The following NAV1 variants were observed in gnomAD, a reference collection of about 807,000 sequenced individuals.
NAV1 encodes neuron navigator 1.
In NAV1, 18 loss-of-function variants were observed where a neutral mutation model predicts 175.2. That is an observed-to-expected ratio of 0.10 (90% CI 0.07 to 0.15). The LOEUF is 0.15. Among genes scored for constraint, NAV1 ranks in the 10% least tolerant of loss-of-function variants. The pLI is 1.00. For synonymous variants in NAV1, 897 were observed against 978.7 expected (o/e 0.92, Z 1.56); for missense variants, 1,731 against 2,436.6 (o/e 0.71, Z 6.10).
intron 3 of NAV1, among the ~76,000 whole-genome samples, chr1:201,777,903 C>T (rs1676063223): frequency 6.6e-6 from 1 of 151,982 alleles, no homozygotes; most frequent in South Asian, 2.1e-4. Context: ...CCACTGCCTT[C>T]CAGCCTGGGT....
At chr1:201,632,329 T>A (rs1168458161) in intron 2 of NAV1, among the ~76,000 whole-genome samples, 1 of 152,270 alleles carries the variant, frequency 6.6e-6, no homozygotes, top group Non-Finnish European at 1.5e-5. Context: ...CAGCTGCTCC[T>A]TCTGCCTCTG....
At chr1:201,783,638 AGTG>A in exon 7 of NAV1, 1 of 1,614,184 alleles carries the variant, frequency 6.2e-7, no homozygotes, top group Non-Finnish European at 8.5e-7. Context: ...GGAGCTAATG[AGTG>A]GTTTCAGTGT....
rs375065882 is a variant in NAV1, at chr1:201,782,317, C to T, written c.1805C>T (p.Ser602Leu). 1.2e-5 allele frequency: 20 copies of T among 1,614,086 alleles called. No homozygotes were observed. Among genetic ancestry groups the T allele is most frequent in the Admixed American group, 3.3e-5 (2 of 60,010 alleles). Residue 602 changes from serine (S) to leucine (L), a missense_variant, in exon 6 of 30, where the codon TCG (serine) becomes TTG (leucine). By Grantham distance (145) the Ser-to-Leu change is moderately radical. Around this residue, in one of 13 missense-constraint regions of NAV1, gnomAD observed 634 missense variants for 766.8 expected, o/e 0.83. Transcript: ENST00000367296. This position sits in a 1 kb window ranked among gnomAD's most constrained non-coding sequence, Gnocchi z 5.4. ...TCGGGCATTGCTCGCCCCTCCACTT[C>T]GGGATCCTTTGGCTACAAGAAGCCT...
At chr1:201,711,744 C>A (rs1569405) in intron 1 of NAV1, among the ~76,000 whole-genome samples, 41,159 of 152,134 alleles carry the variant, frequency 0.27, 6,353 homozygotes, top group Middle Eastern at 0.36. Flanking sequence ...ACTTTAGGTT[C>A]CAAAATGAAA....
Position 201,750,192 on chromosome 1 carries a change from A to G in NAV1, c.1227-30229A>G, listed in dbSNP as rs1166677738. On this transcript the variant is annotated intron_variant, in intron 3 of 29. Coordinates refer to ENST00000367296, the Ensembl canonical transcript of NAV1. This position sits in a 1 kb window ranked among gnomAD's most constrained non-coding sequence, Gnocchi z 4.1. Reference sequence around the variant, plus strand: ...CTGGCAACTTTCTGTGTAATTTTTTATAACAAAGACCTACCGCTGCAAGGA... The same window carrying G: ...CTGGCAACTTTCTGTGTAATTTTTTGTAACAAAGACCTACCGCTGCAAGGA... Among the ~76,000 whole-genome samples the G allele has an allele frequency of 6.6e-6, 1 of 152,200 alleles. No homozygotes were observed. The highest frequency in any genetic ancestry group is 1.5e-5 in the Non-Finnish European group (1 of 68,032).
At chr1:201,806,423 C>G (rs996212588) in intron 17 of NAV1, among the ~76,000 whole-genome samples, 5 of 152,202 alleles carry the variant, frequency 3.3e-5, no homozygotes, top group African/African-American at 1.2e-4. Context: ...CACCAAACAT[C>G]TCGGAACAGT....
intron 3 of NAV1, among the ~76,000 whole-genome samples, chr1:201,722,565 T>C (rs1672430286): frequency 6.6e-6 from 1 of 152,242 alleles, no homozygotes; most frequent in African/African-American, 2.4e-5. Flanking sequence ...TGAAAATTAG[T>C]GTCCAAATAT....
At chr1:201,660,335 G>T (rs1669561345) in intron 1 of NAV1, among the ~76,000 whole-genome samples, 1 of 152,172 alleles carries the variant, frequency 6.6e-6, no homozygotes, top group South Asian at 2.1e-4. Context: ...TGCCCAGTGG[G>T]GTTTGCTTGC....
chr1:201,640,186 G>C (rs1479980562), intron 2 of NAV1, among the ~76,000 whole-genome samples: 2 of 152,198 alleles, frequency 1.3e-5, no homozygotes, highest in Non-Finnish European at 2.9e-5. Context: ...CTGATCTGTA[G>C]CCCAGAGGAA....
chr1:201,636,222 C>T (rs1192581857), intron 2 of NAV1, among the ~76,000 whole-genome samples: 1 of 152,218 alleles, frequency 6.6e-6, no homozygotes, highest in Non-Finnish European at 1.5e-5. Context: ...TGGCTCCATG[C>T]CAGTCTTGGC....
At chr1:201,667,361 C>T (rs1383629934) in intron 1 of NAV1, among the ~76,000 whole-genome samples, 2 of 152,202 alleles carry the variant, frequency 1.3e-5, no homozygotes, top group Non-Finnish European at 2.9e-5. Context: ...GGCAGATGTT[C>T]TCTGGAGCTG....
intron 3 of NAV1, among the ~76,000 whole-genome samples, chr1:201,768,999 C>A (rs1675390752): frequency 6.6e-6 from 1 of 152,242 alleles, no homozygotes; most frequent in South Asian, 2.1e-4. Flanking sequence ...CCATTTCTAG[C>A]CAATAAGGTT....
chr1:201,557,792 G>T (rs1666074648), intron 1 of NAV1, among the ~76,000 whole-genome samples: 1 of 152,190 alleles, frequency 6.6e-6, no homozygotes, highest in Non-Finnish European at 1.5e-5. Flanking sequence ...GAGTGGAAGG[G>T]ATGAAGAGAG....
intron 2 of NAV1, among the ~76,000 whole-genome samples, chr1:201,617,101 T>C (rs1668023555): frequency 6.6e-6 from 1 of 152,178 alleles, no homozygotes; most frequent in Admixed American, 6.5e-5. Flanking sequence ...CCTCCTCTTA[T>C]TCACTGAGGT....
At chr1:201,650,910 G>A (rs1182024510) in intron 1 of NAV1, among the ~76,000 whole-genome samples, 1 of 152,220 alleles carries the variant, frequency 6.6e-6, no homozygotes, top group Non-Finnish European at 1.5e-5. Flanking sequence ...ACTCTGCAAA[G>A]GGAATGTGCC....
intron 2 of NAV1, among the ~76,000 whole-genome samples, chr1:201,604,754 G>A (rs1667628155): frequency 6.6e-6 from 1 of 150,562 alleles, no homozygotes; most frequent in Non-Finnish European, 1.5e-5. Context: ...AAGAGAGAGA[G>A]AGAGAAATAA....
intron 15 of NAV1, among the ~76,000 whole-genome samples, chr1:201,800,124 G>A (rs568110564): frequency 2.6e-4 from 40 of 151,856 alleles, no homozygotes; most frequent in African/African-American, 8.9e-4. Flanking sequence ...CTAAGCCTCC[G>A]GAGTATCTGT....
chr1:201,558,609 C>T (rs913799992), intron 1 of NAV1, among the ~76,000 whole-genome samples: 1 of 152,160 alleles, frequency 6.6e-6, no homozygotes, highest in Admixed American at 6.5e-5. Flanking sequence ...CACACCACCA[C>T]GCTGGCTAAT....
At position 201,813,349 on chromosome 1, in the gene NAV1, C is replaced by T. The variant is rs1374738896; in HGVS notation, c.5340+91C>T. On this transcript the variant is annotated intron_variant, in intron 28 of 29. Coordinates refer to ENST00000367296, the Ensembl canonical transcript of NAV1. This position sits in a 1 kb window ranked among gnomAD's most constrained non-coding sequence, Gnocchi z 4.2. The stretch of plus-strand genomic sequence containing the variant: ...TTCTTTAATGTTAGGCATGGGACTA[C>T]TAGGATTAGTTAGGTTCTCTTTCTA... 3 of 853,440 alleles carry T rather than the reference C, an allele frequency of 3.5e-6. No homozygotes were observed. Among genetic ancestry groups the T allele is most frequent in the Non-Finnish European group, 5.6e-6 (3 of 531,492 alleles). The allele number at this position is 853,440 out of a possible 1,614,324, so 52.9% of individuals were successfully genotyped here.
Sources: gnomAD v4.1 joint callset for allele counts (sites outside exome capture counted in the v4.1 genomes callset) on GRCh38, gnomAD v4.1.1 for gene constraint, gnomAD v4.1.1 regional missense constraint, Gnocchi (gnomAD v3.1) non-coding constraint, MANE v1.5 for transcripts, NCBI Gene and HGNC (gene_info 2026-07-23, HGNC 2026-07-21) for gene names.